The following MGAT4C variants were observed in gnomAD, a reference collection of about 807,000 sequenced individuals.
MGAT4C encodes alpha-1,3-mannosyl-glycoprotein 4-beta-N-acetylglucosaminyltransferase C.
MGAT4C carries 19 observed loss-of-function variants against 40.1 expected under a neutral mutation model. The observed-to-expected ratio is 0.47, with a 90% CI of 0.33 to 0.70. MGAT4C has a LOEUF of 0.70. Ranked by LOEUF, MGAT4C falls within the 30% of genes least tolerant of loss-of-function variation. The pLI is 0.02. For missense variants in MGAT4C, 491 were observed against 563.2 expected (o/e 0.87, Z 1.30); for synonymous variants, 181 against 187.1 (o/e 0.97, Z 0.27).
intron 1 of MGAT4C, among the ~76,000 whole-genome samples, chr12:86,103,541 G>C (rs1165231327): frequency 6.6e-6 from 1 of 152,286 alleles, no homozygotes; most frequent in East Asian, 1.9e-4. Context: ...CCACCTTGCT[G>C]ATGTCTTGAT....
chr12:86,402,675 C>T (rs996652197), intron 3 of MGAT4C, among the ~76,000 whole-genome samples: 4 of 151,916 alleles, frequency 2.6e-5, no homozygotes, highest in Non-Finnish European at 4.4e-5. Context: ...TCTATATTTC[C>T]AATACTTTTC....
chr12:85,971,668 T>A lies in MGAT4C; in HGVS notation c.*7621A>T, dbSNP rs1480158221. ...ACGTACCAAAATTGTCTTTTGACCC[T>A]CTCAGGGAGTCAAGTTTTGATTTGC... On this transcript the variant is annotated 3_prime_UTR_variant, in exon 5 of 5. Transcript: ENST00000611864. 6.6e-6 allele frequency: 1 copy of A among 151,256 alleles called. No homozygotes were observed. Among genetic ancestry groups the A allele is most frequent in the Non-Finnish European group, 1.5e-5 (1 of 67,344 alleles). 9.4% of individuals were successfully genotyped at this position (151,256 alleles called of 1,614,324 possible). A position where few individuals can be genotyped will look rare whatever the true frequency, so the allele number is the denominator to read the frequency against.
At chr12:86,471,082 A>G (rs903583320) in intron 2 of MGAT4C, among the ~76,000 whole-genome samples, 2 of 152,060 alleles carry the variant, frequency 1.3e-5, no homozygotes, top group African/African-American at 4.8e-5. Context: ...AACCAGAAAT[A>G]TTTACTGTTG....
intron 1 of MGAT4C, among the ~76,000 whole-genome samples, chr12:86,255,455 C>A (rs2136086251): frequency 6.6e-6 from 1 of 152,004 alleles, no homozygotes; most frequent in Non-Finnish European, 1.5e-5. Flanking sequence ...ATTTGTTTTG[C>A]TACAATATAA....
intron 1 of MGAT4C, among the ~76,000 whole-genome samples, chr12:86,116,043 G>T (rs781272058): frequency 3.3e-5 from 5 of 151,980 alleles, no homozygotes; most frequent in Non-Finnish European, 7.4e-5. Flanking sequence ...TAATATTCCA[G>T]AAAGTAAGAA....
chr12:86,231,057 G>A (rs934155828), intron 1 of MGAT4C, among the ~76,000 whole-genome samples: 2 of 151,996 alleles, frequency 1.3e-5, no homozygotes, highest in East Asian at 1.9e-4. Context: ...AAACCCTGAC[G>A]AAAAATTTAT....
At chr12:86,731,348 T>C (rs1014844663) in intron 1 of MGAT4C, among the ~76,000 whole-genome samples, 2 of 152,104 alleles carry the variant, frequency 1.3e-5, no homozygotes, top group Admixed American at 1.3e-4. Context: ...TCTTACTTCT[T>C]TCACAGTGGT....
chr12:86,330,239 C>A (rs1954631361), intron 4 of MGAT4C, among the ~76,000 whole-genome samples: 2 of 152,064 alleles, frequency 1.3e-5, no homozygotes, highest in Admixed American at 6.6e-5. Flanking sequence ...ACAGGCCTTG[C>A]CAAGTTACTC....
chr12:86,264,826 C>A (rs1952745749), intron 4 of MGAT4C, among the ~76,000 whole-genome samples: 1 of 151,624 alleles, frequency 6.6e-6, no homozygotes, highest in Admixed American at 6.6e-5. Flanking sequence ...AAGTTGAGGC[C>A]AAGCCCAGGT....
intron 2 of MGAT4C, among the ~76,000 whole-genome samples, chr12:86,717,124 A>G (rs1298525810): frequency 6.6e-6 from 1 of 151,996 alleles, no homozygotes; most frequent in Non-Finnish European, 1.5e-5. Flanking sequence ...CCTCTGCCTT[A>G]GAGCACAATT....
chr12:86,836,803 A>G (rs1953046534), intron 1 of MGAT4C, among the ~76,000 whole-genome samples: 1 of 152,126 alleles, frequency 6.6e-6, no homozygotes, highest in Non-Finnish European at 1.5e-5. Flanking sequence ...ATACCCAAAC[A>G]TGAAGTGACT....
At chr12:86,002,847 C>T (rs1335274065) in intron 2 of MGAT4C, among the ~76,000 whole-genome samples, 4 of 152,040 alleles carry the variant, frequency 2.6e-5, no homozygotes, top group African/African-American at 9.7e-5. Context: ...GTCACTCAGG[C>T]TGGAGTGCAG....
intron 1 of MGAT4C, among the ~76,000 whole-genome samples, chr12:86,785,847 A>C (rs536736953): frequency 2.7e-4 from 41 of 151,994 alleles, no homozygotes; most frequent in African/African-American, 9.4e-4. Context: ...TTAGGTACCC[A>C]AAATTTTCCC....
chr12:86,126,571 A>C (rs1220469799), intron 1 of MGAT4C, among the ~76,000 whole-genome samples: 1 of 152,228 alleles, frequency 6.6e-6, no homozygotes, highest in African/African-American at 2.4e-5. Context: ...GGATAATACA[A>C]GTTTTAACAA....
intron 4 of MGAT4C, among the ~76,000 whole-genome samples, chr12:86,282,715 T>C (rs1011312789): frequency 1.9e-4 from 29 of 152,138 alleles, no homozygotes; most frequent in African/African-American, 5.5e-4. Context: ...TCTACTGATA[T>C]ATAACCTTGA....
At chr12:86,693,100 G>A (rs562571986) in intron 2 of MGAT4C, among the ~76,000 whole-genome samples, 11 of 152,134 alleles carry the variant, frequency 7.2e-5, no homozygotes, top group Non-Finnish European at 1.6e-4. Flanking sequence ...AGGGTGAGTT[G>A]ACACTCTTCA....
chr12:86,593,148 T>C (rs1468501799), intron 2 of MGAT4C, among the ~76,000 whole-genome samples: 2 of 152,074 alleles, frequency 1.3e-5, no homozygotes, highest in Admixed American at 1.3e-4. Context: ...TTCACCAAAG[T>C]TGTATAACTT....
In MGAT4C at chr12:86,457,253, C is replaced by G. The variant is rs138600177; in HGVS notation, c.-228-21988G>C. On this transcript the variant is annotated intron_variant, in intron 2 of 7. Transcript: ENST00000548651. Reference sequence around the variant, plus strand: ...TAACCTGCTATAGTGCTTTCTTACTCCATTCAGGCATATTATTTTTCATTA... The same window carrying G: ...TAACCTGCTATAGTGCTTTCTTACTGCATTCAGGCATATTATTTTTCATTA... Among the ~76,000 whole-genome samples, 726 of 152,140 alleles carry G rather than the reference C, an allele frequency of 4.8e-3. 6 individuals are homozygous for G. Among genetic ancestry groups the G allele is most frequent in the African/African-American group, 0.016 (676 of 41,518 alleles).
chr12:86,682,914 C>T (rs1306422268), intron 2 of MGAT4C, among the ~76,000 whole-genome samples: 1 of 152,162 alleles, frequency 6.6e-6, no homozygotes, highest in Non-Finnish European at 1.5e-5. Context: ...GTATTTAAAA[C>T]ATTGTTTTTA....
Sources: allele counts gnomAD v4.1 joint callset (sites outside exome capture counted in the v4.1 genomes callset), GRCh38; gene constraint gnomAD v4.1.1; transcripts MANE v1.5; gene names NCBI Gene and HGNC (gene_info 2026-07-23, HGNC 2026-07-21).